NCOR1: variants seen among roughly 807,000 people sequenced by gnomAD.
The protein encoded by NCOR1 is nuclear receptor corepressor 1.
In NCOR1, 63 loss-of-function variants were observed where a neutral mutation model predicts 288.1. The observed-to-expected ratio is 0.22, with a 90% CI of 0.18 to 0.27. The LOEUF (loss-of-function observed/expected upper bound fraction) is 0.27, where lower values mean the gene tolerates loss of function less well. Ranked by LOEUF, NCOR1 falls within the 10% of genes least tolerant of loss-of-function variation. The pLI, the probability that NCOR1 is intolerant of heterozygous loss-of-function variation, is 1.00. For synonymous variants in NCOR1, 1,007 were observed against 1,065.9 expected (o/e 0.94, Z 1.08); for missense variants, 2,397 against 3,019.2 (o/e 0.79, Z 4.83).
chr17:16,205,059 AAAAATAC>A (rs1279146052), intron 1 of NCOR1, among the ~76,000 whole-genome samples: 3 of 152,136 alleles, frequency 2.0e-5, no homozygotes, highest in Non-Finnish European at 4.4e-5. Flanking sequence ...CATCTGTAGT[AAAAATAC>A]AAAATTAGCC....
intron 40 of NCOR1, among the ~76,000 whole-genome samples, chr17:16,052,737 T>G (rs1010891077): frequency 1.3e-5 from 2 of 152,162 alleles, no homozygotes; most frequent in African/African-American, 4.8e-5. Flanking sequence ...CTCCTCCCTA[T>G]CTCATTCTAT....
chr17:16,085,839 T>C (rs2064145130), intron 23 of NCOR1, among the ~76,000 whole-genome samples: 1 of 152,186 alleles, frequency 6.6e-6, no homozygotes, highest in African/African-American at 2.4e-5. Context: ...CCAGACCATA[T>C]CTCAATTTTT....
At position 16,117,995 on chromosome 17, in the gene NCOR1, T is replaced by C. The variant is rs1372341698; in HGVS notation, c.1948A>G (p.Ile650Val). 5 of 1,614,056 alleles carry C rather than the reference T, an allele frequency of 3.1e-6. No individual in the cohort carries two copies. Among genetic ancestry groups the C allele is most frequent in the South Asian group, 1.1e-5 (1 of 91,050 alleles). Residue 650 changes from isoleucine (I) to valine (V), a missense_variant, in exon 18 of 46, where the codon ATT becomes GTT. Physicochemically the swap from Ile to Val is conservative, Grantham distance 29. Coordinates refer to ENST00000268712, the MANE Select transcript of NCOR1 (RefSeq NM_006311.4). ...LVEHGRNWAA[I>V]AKMVGTKSEA... Reference sequence around the variant, plus strand: ...CTTTTCGTTCCCACCATTTTAGCAATTGCTGCCCAGTTACGACCATGTTCT... The same window carrying C: ...CTTTTCGTTCCCACCATTTTAGCAACTGCTGCCCAGTTACGACCATGTTCT...
At chr17:16,113,720 C>T (rs1453904087) in intron 18 of NCOR1, among the ~76,000 whole-genome samples, 1 of 152,018 alleles carries the variant, frequency 6.6e-6, no homozygotes, top group African/African-American at 2.4e-5. Flanking sequence ...TGGTGAAACC[C>T]CATCTCTACT....
intron 16 of NCOR1, 64 bp downstream of exon 16, chr17:16,120,988 C>G (rs2153148719): frequency 4.2e-6 from 6 of 1,422,590 alleles, no homozygotes; most frequent in Non-Finnish European, 3.9e-6. Flanking sequence ...TCTACCCTAT[C>G]CTAGCAGTGA....
chr17:16,116,039 A>G (rs2071497204), intron 18 of NCOR1, among the ~76,000 whole-genome samples: 1 of 152,218 alleles, frequency 6.6e-6, no homozygotes, highest in African/African-American at 2.4e-5. Flanking sequence ...GGCAGAAAGC[A>G]AGGAGGAGCA....
chr17:16,202,159 G>C (rs1314528565), intron 1 of NCOR1, among the ~76,000 whole-genome samples: 1 of 151,594 alleles, frequency 6.6e-6, no homozygotes, highest in Non-Finnish European at 1.5e-5. Flanking sequence ...GGGAGGCAGA[G>C]GCTGCAGTGA....
At position 16,035,022 on chromosome 17, in the gene NCOR1, C is replaced by T. The variant is rs1973933158; in HGVS notation, c.6956-78G>A. 78 of 1,369,812 alleles carry T rather than the reference C, an allele frequency of 5.7e-5. 1 individual carries two copies. The Middle Eastern group carries it at 1.3e-3, about 22-fold the overall frequency. The allele number at this position is 1,369,812 out of a possible 1,614,324, so 84.9% of individuals were successfully genotyped here. A position where few individuals can be genotyped will look rare whatever the true frequency, so the allele number is the denominator to read the frequency against. On this transcript the variant is annotated intron_variant, in intron 44 of 45. Coordinates refer to ENST00000268712, the MANE Select transcript of NCOR1 (RefSeq NM_006311.4). ...CCAAAATGCTAATGATTATATATTG[C>T]TAAATGAAAAAAAAGCAGAATGGTA...
intron 14 of NCOR1, among the ~76,000 whole-genome samples, chr17:16,127,541 GTA>G (rs981617034): frequency 7.4e-6 from 1 of 134,810 alleles, no homozygotes; most frequent in Non-Finnish European, 1.5e-5. Context: ...ATATCTGCAT[GTA>G]TATATACACA....
chr17:16,194,625 T>C lies in NCOR1; in HGVS notation c.-56A>G, dbSNP rs2089364319. The C allele has an allele frequency of 1.1e-5, 13 of 1,151,506 alleles. No individual in the cohort carries two copies. The highest frequency in any genetic ancestry group is 4.0e-5 in the South Asian group (3 of 74,804). 71.3% of individuals were successfully genotyped at this position (1,151,506 alleles called of 1,614,324 possible). On this transcript the variant is annotated 5_prime_UTR_variant, in exon 2 of 46. Coordinates refer to ENST00000268712, the MANE Select transcript of NCOR1 (RefSeq NM_006311.4). ...AGATCAATGCCAATAAACAATCATG[T>C]TTCTAGGAAACCACCTAAACAGGAT...
chr17:16,044,930 T>C, intron 42 of NCOR1: 1 of 661,360 alleles, frequency 1.5e-6, no homozygotes, highest in Non-Finnish European at 2.7e-6. Context: ...AGGAGTCTGA[T>C]GATGACATGG....
At chr17:16,100,081 GA>G (rs1404107653) in intron 20 of NCOR1, among the ~76,000 whole-genome samples, 3 of 151,220 alleles carry the variant, frequency 2.0e-5, no homozygotes, top group South Asian at 2.1e-4. Flanking sequence ...TTATTAAAAA[GA>G]AAAAAAAGGA....
At chr17:16,140,433 GCAGAAGGAC>G (rs2076986819) in intron 11 of NCOR1, among the ~76,000 whole-genome samples, 1 of 152,200 alleles carries the variant, frequency 6.6e-6, no homozygotes, top group African/African-American at 2.4e-5. Context: ...GGAGGCCAAG[GCAGAAGGAC>G]TGCTTGAGCC....
At chr17:16,065,336 T>C in intron 33 of NCOR1, 149 bp downstream of exon 33, 1 of 910,418 alleles carries the variant, frequency 1.1e-6, no homozygotes, top group Non-Finnish European at 1.6e-6. Flanking sequence ...AATGTATGTC[T>C]CTGGGCTAAA....
chr17:16,146,373 C>T lies in NCOR1; in HGVS notation c.1082+3G>A. 1.3e-6 allele frequency: 2 copies of T among 1,590,804 alleles called. No individual in the cohort carries two copies. Among genetic ancestry groups the T allele is most frequent in the Non-Finnish European group, 1.7e-6 (2 of 1,173,090 alleles). ...CACAGTCATTAAACATCAAACTACTCACCGCTGAAATCTTTCTTGCTGTTC... is the reference window on the plus strand; with the variant it reads ...CACAGTCATTAAACATCAAACTACTTACCGCTGAAATCTTTCTTGCTGTTC... On this transcript the variant is annotated splice_donor_region_variant and intron_variant, in intron 10 of 45. Transcript: ENST00000268712.
At chr17:16,153,484 A>G in intron 6 of NCOR1, 89 bp from the exon 7 acceptor site, 2 of 824,708 alleles carry the variant, frequency 2.4e-6, no homozygotes. Flanking sequence ...ATCTAAGACT[A>G]ATCTATAGAT....
chr17:16,143,752 C>T, intron 10 of NCOR1, 56 bp from the exon 11 acceptor site: 1 of 1,270,496 alleles, frequency 7.9e-7, no homozygotes, highest in Non-Finnish European at 1.1e-6. Context: ...AAAGACATAT[C>T]AATTAAATTA....
chr17:16,180,979 C>T (rs1413155020), intron 3 of NCOR1, among the ~76,000 whole-genome samples: 1 of 151,902 alleles, frequency 6.6e-6, no homozygotes, highest in African/African-American at 2.4e-5. Flanking sequence ...GCCAACATGG[C>T]GAAACCCTGT....
intron 38 of NCOR1, 190 bp from the exon 39 acceptor site, chr17:16,058,254 A>G (rs1240246729): frequency 1.1e-6 from 1 of 882,212 alleles, no homozygotes; most frequent in African/African-American, 1.7e-5. Context: ...GGAACAAAAT[A>G]TAAATGCAGA....
Sources: allele counts gnomAD v4.1 joint callset (sites outside exome capture counted in the v4.1 genomes callset), GRCh38; gene constraint gnomAD v4.1.1; transcripts MANE v1.5; gene names NCBI Gene and HGNC (gene_info 2026-07-23, HGNC 2026-07-21).